Variants in STAG2 observed in about 807,000 individuals in gnomAD.
STAG2 encodes STAG2 cohesin complex component.
Under a neutral mutation model 108.1 loss-of-function variants are expected in STAG2, and 14 were observed. That is an observed-to-expected ratio of 0.13 (90% confidence interval 0.09 to 0.20). The LOEUF is 0.20. Among genes scored for constraint, STAG2 ranks in the 10% least tolerant of loss-of-function variants. The pLI is 1.00. For synonymous variants in STAG2, 307 were observed against 302.7 expected, an observed-to-expected ratio of 1.01 and a Z score of -0.15; for missense variants, 440 against 940.9, an observed-to-expected ratio of 0.47 and a Z score of 6.96.
intron 1 of STAG2, 169 bp downstream of exon 1, chrX:123,962,025 T>A (rs1395026507): frequency 8.9e-6 from 1 of 112,383 alleles, no homozygotes; most frequent in Non-Finnish European, 1.9e-5. Flanking sequence ...CACTTTTGTT[T>A]TAGTTTTAGT....
In STAG2 at chrX:124,083,452, A is replaced by T; in HGVS notation, c.2956A>T (p.Asn986Tyr). 8.4e-7 allele frequency: 1 copy of T among 1,194,032 alleles called. No homozygotes were observed. The highest frequency in any genetic ancestry group is 1.1e-6 in the Non-Finnish European group (1 of 886,948). Residue 986 changes from asparagine to tyrosine, a missense_variant, in exon 29 of 35, where the codon AAT (asparagine) becomes TAT (tyrosine). Physicochemically the swap from Asn to Tyr is moderately radical, Grantham distance 143 (BLOSUM62 -2). Transcript: ENST00000371145. ...CATAGAATTTGCTTTTAAAGAGCCT[A>T]ATCCGCAAGGGGAGAGCCATCCACC... ...DGIEFAFKEP[N>Y]PQGESHPPLN...
chrX:124,012,696 AAG>A (rs2056559150), intron 1 of STAG2, among the ~76,000 whole-genome samples: 1 of 111,874 alleles, frequency 8.9e-6, no homozygotes, highest in Admixed American at 9.5e-5. Context: ...AAAATGAAAA[AAG>A]AGGCATTACA....
chrX:124,090,434 C>T (rs2059230007), intron 30 of STAG2, 141 bp from the exon 31 acceptor site: 3 of 496,816 alleles, frequency 6.0e-6, no homozygotes, highest in East Asian at 6.7e-5. Context: ...TCAGGGACTG[C>T]CCCTTACATA....
chrX:124,006,734 C>T (rs1218779324), intron 1 of STAG2, among the ~76,000 whole-genome samples: 9 of 111,231 alleles, frequency 8.1e-5, no homozygotes, highest in African/African-American at 2.9e-4. Context: ...CCACCGTGCC[C>T]GGGCTGTCAC....
chrX:124,077,263 T>A (rs896281035), intron 26 of STAG2, among the ~76,000 whole-genome samples: 3 of 110,777 alleles, frequency 2.7e-5, no homozygotes, highest in Non-Finnish European at 3.8e-5. Flanking sequence ...TTTTTTTTTT[T>A]AAACTAAGGT....
intron 6 of STAG2, 32 bp downstream of exon 6, chrX:124,037,655 C>A: frequency 1.0e-6 from 1 of 956,997 alleles, no homozygotes; most frequent in Non-Finnish European, 1.5e-6. Context: ...ATCAGCAGCT[C>A]TCAAATAGTC....
In STAG2 at chrX:124,100,542, C is replaced by T. The variant is rs201114131; in HGVS notation, c.3784-32C>T. On this transcript the variant is annotated intron_variant, in intron 34 of 34. Transcript: ENST00000371145. ...ATTTAAAGAAATGAATGACTTTTAA[C>T]GAGATTTTCTCCCCTCTCTCTCTCT... The T allele has an allele frequency of 5.8e-4, 676 of 1,157,550 alleles. 3 individuals are homozygous for T. In the African/African-American group the frequency reaches 0.011, roughly 19 times the overall value.
intron 26 of STAG2, 30 bp from the exon 27 acceptor site, chrX:124,077,927 A>C (rs759497522): frequency 3.1e-6 from 3 of 981,873 alleles, no homozygotes; most frequent in Non-Finnish European, 4.1e-6. Context: ...TTAAGAGATA[A>C]AGCTCTAATT....
chrX:123,965,822 G>GATAT (rs1391204693), intron 1 of STAG2, among the ~76,000 whole-genome samples: 13 of 109,420 alleles, frequency 1.2e-4, no homozygotes, highest in Middle Eastern at 9.3e-3. Flanking sequence ...GGGCAACATA[G>GATAT]GGAGACCCCA....
chrX:124,000,979 A>C (rs1335542076), intron 1 of STAG2, among the ~76,000 whole-genome samples: 1 of 112,505 alleles, frequency 8.9e-6, no homozygotes, highest in Non-Finnish European at 1.9e-5. Flanking sequence ...ATTTTTCTAC[A>C]GCTGTGCAAT....
In STAG2 at chrX:124,068,559, T is replaced by G; in HGVS notation, c.2266-5T>G. On this transcript the variant is annotated splice_polypyrimidine_tract_variant and splice_region_variant and intron_variant, in intron 23 of 34. Coordinates refer to ENST00000371145, the MANE Select transcript of STAG2 (RefSeq NM_001042750.2). Reference sequence around the variant, plus strand: ...TTTTAAAAGTTAATGTTAAATTTTTTCAAGGAGGACTTGCTGCGTTTAAAG... The same window carrying G: ...TTTTAAAAGTTAATGTTAAATTTTTGCAAGGAGGACTTGCTGCGTTTAAAG... The G allele has an allele frequency of 8.6e-7, 1 of 1,168,457 alleles. No homozygotes were observed. The highest frequency in any genetic ancestry group is 1.1e-6 in the Non-Finnish European group (1 of 875,989).
intron 13 of STAG2, among the ~76,000 whole-genome samples, chrX:124,052,904 C>T (rs769273816): frequency 1.8e-5 from 2 of 109,521 alleles, no homozygotes; most frequent in South Asian, 4.0e-4. Context: ...GCAACCTCCA[C>T]CTCCCGGGTT....
Position 124,030,956 on chromosome X carries a change from T to C in STAG2, c.124-5T>C, listed in dbSNP as rs1329030136. 8.4e-7 allele frequency: 1 copy of C among 1,188,203 alleles called. No homozygotes were observed. Among genetic ancestry groups the C allele is most frequent in the Non-Finnish European group, 1.1e-6 (1 of 886,734 alleles). On this transcript the variant is annotated splice_polypyrimidine_tract_variant and splice_region_variant and intron_variant, in intron 4 of 34. Transcript: ENST00000371145. ...TAACTTAACCACCTCGTATTTTTTA[T>C]GCAGACTTGTAAAAAAGGCAAAAAG...
At chrX:123,984,442 A>T (rs1387496955) in intron 1 of STAG2, among the ~76,000 whole-genome samples, 4 of 111,115 alleles carry the variant, frequency 3.6e-5, no homozygotes, top group Non-Finnish European at 7.5e-5. Flanking sequence ...TTTTATTTTC[A>T]TGCTAGCATT....
At chrX:123,975,400 G>A (rs2054572146) in intron 1 of STAG2, among the ~76,000 whole-genome samples, 1 of 112,221 alleles carries the variant, frequency 8.9e-6, no homozygotes, top group South Asian at 3.7e-4. Flanking sequence ...AGAAGCAGAA[G>A]CATGAAGGTA....
Position 124,051,099 on chromosome X carries a change from CTTTTTTT to C in STAG2, c.1018-9_1018-3del. Reference sequence around the variant, plus strand: ...ATAGAGTTTTAATGCATTGTCTCATCTTTTTTTTTTTTTTTTTTTAGCAAGGTGAAGT... The same window carrying C: ...ATAGAGTTTTAATGCATTGTCTCATCTTTTTTTTTTTTAGCAAGGTGAAGT... On this transcript the variant is annotated splice_polypyrimidine_tract_variant and intron_variant, in intron 11 of 34. Transcript: ENST00000371145. The C allele has an allele frequency of 2.5e-5, 13 of 525,479 alleles. No individual in the cohort carries two copies. The highest frequency in any genetic ancestry group is 1.3e-4 in the Admixed American group (3 of 22,982). The allele number at this position is 525,479 out of a possible 1,213,427, so 43.3% of individuals were successfully genotyped here.
intron 1 of STAG2, among the ~76,000 whole-genome samples, chrX:123,980,767 A>G (rs1484653834): frequency 4.5e-5 from 5 of 112,277 alleles, no homozygotes; most frequent in African/African-American, 1.6e-4. Context: ...AGTGTGGCTG[A>G]TCAAAGAATT....
intron 1 of STAG2, among the ~76,000 whole-genome samples, chrX:123,973,777 G>T (rs2054486683): frequency 9.3e-6 from 1 of 108,024 alleles, no homozygotes; most frequent in South Asian, 4.0e-4. Context: ...CTGGGAGGTG[G>T]AGGTTGCAGT....
intron 10 of STAG2, 108 bp from the exon 11 acceptor site, chrX:124,050,078 A>G: frequency 1.1e-6 from 1 of 900,057 alleles, no homozygotes; most frequent in East Asian, 3.4e-5. Context: ...GTAATAAGAT[A>G]ATGTCATATT....
Sources: allele counts gnomAD v4.1 joint callset (sites outside exome capture counted in the v4.1 genomes callset), GRCh38; gene constraint gnomAD v4.1.1; transcripts MANE v1.5; gene names NCBI Gene and HGNC (gene_info 2026-07-23, HGNC 2026-07-21).